Variants in TAF4 observed in about 807,000 individuals in gnomAD.
TAF4 encodes the protein TATA-box binding protein associated factor 4.
In TAF4, 9 loss-of-function variants were observed where a neutral mutation model predicts 90.3. The ratio of observed to expected loss-of-function variants is 0.10; its 90% CI spans 0.06 to 0.17. TAF4 has a LOEUF of 0.17. Among genes scored for constraint, TAF4 ranks in the 10% least tolerant of loss-of-function variants. The pLI is 1.00. For missense variants in TAF4, 1,351 were observed against 1,370.7 expected (o/e 0.99, Z 0.23); for synonymous variants, 818 against 638.9 (o/e 1.28, Z -4.23).
intron 1 of TAF4, among the ~76,000 whole-genome samples, chr20:62,035,943 T>C (rs915147862): frequency 6.6e-6 from 1 of 151,502 alleles, no homozygotes; most frequent in African/African-American, 2.4e-5. Context: ...ACATAGAAAA[T>C]TAATTTCCTC....
At chr20:62,021,476 G>GA (rs2055842782) in intron 1 of TAF4, among the ~76,000 whole-genome samples, 1 of 152,270 alleles carries the variant, frequency 6.6e-6, no homozygotes. Context: ...ACAGGGAGCA[G>GA]AAGCAGCACA....
At chr20:61,995,318 G>A in intron 14 of TAF4, among the ~76,000 whole-genome samples, 1 of 152,118 alleles carries the variant, frequency 6.6e-6, no homozygotes, top group Non-Finnish European at 1.5e-5. Flanking sequence ...AATATAAACT[G>A]TAAAAAAGAA....
chr20:62,061,622 T>C (rs1168498724), intron 1 of TAF4, among the ~76,000 whole-genome samples: 1 of 152,230 alleles, frequency 6.6e-6, no homozygotes, highest in Non-Finnish European at 1.5e-5. Context: ...CTAATGTGGG[T>C]GTCAAATCAC....
At chr20:62,012,768 C>T (rs763927771) in intron 3 of TAF4, 47 bp downstream of exon 3, 10 of 1,561,642 alleles carry the variant, frequency 6.4e-6, no homozygotes, top group Admixed American at 2.0e-5. Context: ...AGAAATCACA[C>T]TTCGTGGCCC....
intron 1 of TAF4, among the ~76,000 whole-genome samples, chr20:62,053,171 G>C (rs1421218624): frequency 6.6e-6 from 1 of 152,288 alleles, no homozygotes; most frequent in Admixed American, 6.5e-5. Context: ...GAAGAGGGTG[G>C]CCCTATCACC....
At chr20:62,014,144 T>A (rs2055799398) in intron 2 of TAF4, among the ~76,000 whole-genome samples, 1 of 151,824 alleles carries the variant, frequency 6.6e-6, no homozygotes, top group Non-Finnish European at 1.5e-5. Context: ...CTTAAAAGTC[T>A]CCATGCGGCG....
rs547831118 is a variant in TAF4, at chr20:62,050,831, C to T, written c.1360+13620G>A. ...TGGCCCCAAGAGATCAGAACCCCCA[C>T]ACCTGGCCCCCCAGAACAAGGCATG... is the stretch of plus-strand genomic sequence containing the variant. On this transcript the variant is annotated intron_variant, in intron 1 of 14. Transcript: ENST00000252996. 3.3e-5 allele frequency among the ~76,000 whole-genome samples: 5 copies of T among 152,092 alleles called. No homozygotes were observed. The East Asian group carries it at 9.8e-4, about 30-fold the overall frequency.
chr20:62,042,112 ACTAAT>A (rs1190444481), intron 1 of TAF4, among the ~76,000 whole-genome samples: 11 of 152,116 alleles, frequency 7.2e-5, no homozygotes, highest in African/African-American at 2.7e-4. Context: ...CTTTTCCAAG[ACTAAT>A]CTGGCCTGCC....
rs1398269050 is a variant in TAF4 at position 62,065,214 on chromosome 20, A to G, written c.597T>C (p.Asn199=). The change falls in exon 1 of 15, where the codon AAT becomes AAC. Residue 199 remains asparagine, a synonymous_variant. Coordinates refer to ENST00000252996, the MANE Select transcript of TAF4 (RefSeq NM_003185.4). The stretch of plus-strand genomic sequence containing the variant: ...GCGAGTTCAGCAGCGCGGCGCTCCC[A>G]TTCAAAGTTTGCGCGGCGCCGGGGC... The part of the protein sequence containing the change: ...PAGPGAAQTL[N]GSAALLNSHH... 2 of 1,155,042 alleles carry G rather than the reference A, an allele frequency of 1.7e-6. No homozygotes were observed. The highest frequency in any genetic ancestry group is 2.2e-6 in the Non-Finnish European group (2 of 921,272). 71.5% of individuals were successfully genotyped at this position (1,155,042 alleles called of 1,614,324 possible). A position where few individuals can be genotyped will look rare whatever the true frequency, so the allele number is the denominator to read the frequency against.
intron 1 of TAF4, among the ~76,000 whole-genome samples, chr20:62,053,864 G>A (rs1042767558): frequency 2.6e-5 from 4 of 152,234 alleles, no homozygotes; most frequent in African/African-American, 9.6e-5. Flanking sequence ...CTGAGCAAGG[G>A]CCTTAAGACC....
intron 4 of TAF4, 81 bp downstream of exon 4, chr20:62,009,965 C>T: frequency 1.3e-6 from 2 of 1,593,336 alleles, no homozygotes; most frequent in South Asian, 1.1e-5. Context: ...CAGAAGCCGG[C>T]CTGAGGTCTC....
intron 5 of TAF4, 137 bp from the exon 6 acceptor site, chr20:62,007,773 G>T (rs2055755287): frequency 1.0e-5 from 8 of 780,870 alleles, no homozygotes; most frequent in African/African-American, 3.5e-5. Flanking sequence ...GGGAAAGTCT[G>T]CGTGCTACAC....
chr20:61,976,852 T>C (rs775096223), intron 14 of TAF4, among the ~76,000 whole-genome samples: 39 of 152,196 alleles, frequency 2.6e-4, no homozygotes, highest in Non-Finnish European at 4.9e-4. Context: ...CAGTGATCCC[T>C]GAGCCTCTGG....
chr20:62,046,374 C>T (rs1023040109), intron 1 of TAF4, among the ~76,000 whole-genome samples: 6 of 152,256 alleles, frequency 3.9e-5, no homozygotes, highest in Non-Finnish European at 7.3e-5. Context: ...TGCCACACTA[C>T]GTCACCCTCA....
intron 1 of TAF4, among the ~76,000 whole-genome samples, chr20:62,061,523 G>A (rs2056088592): frequency 6.6e-6 from 1 of 152,238 alleles, no homozygotes; most frequent in African/African-American, 2.4e-5. Flanking sequence ...AAGAAAATGT[G>A]AATTTGCCAG....
intron 1 of TAF4, among the ~76,000 whole-genome samples, chr20:62,040,652 G>A (rs1465513103): frequency 6.6e-6 from 1 of 152,216 alleles, no homozygotes; most frequent in Non-Finnish European, 1.5e-5. Context: ...AACACTGCAT[G>A]CCCACTAGAA....
intron 14 of TAF4, among the ~76,000 whole-genome samples, chr20:61,994,062 A>T (rs2055648164): frequency 6.6e-6 from 1 of 152,060 alleles, no homozygotes; most frequent in South Asian, 2.1e-4. Context: ...TGGGCTACAA[A>T]ATCTATGCCT....
At chr20:62,014,993 C>T (rs927825019) in intron 1 of TAF4, among the ~76,000 whole-genome samples, 1 of 152,246 alleles carries the variant, frequency 6.6e-6, no homozygotes, top group Non-Finnish European at 1.5e-5. Flanking sequence ...TTCCACCGGC[C>T]ACACCACGTG....
At chr20:62,052,974 C>T (rs1326887242) in intron 1 of TAF4, among the ~76,000 whole-genome samples, 4 of 151,534 alleles carry the variant, frequency 2.6e-5, no homozygotes, top group Non-Finnish European at 5.9e-5. Flanking sequence ...AGGTCCCTTC[C>T]GCCACCCCCC....
Sources: allele counts gnomAD v4.1 joint callset (sites outside exome capture counted in the v4.1 genomes callset), GRCh38; gene constraint gnomAD v4.1.1; transcripts MANE v1.5; gene names NCBI Gene and HGNC (gene_info 2026-07-23, HGNC 2026-07-21).